The following GAREM1 variants were observed in gnomAD, a reference collection of about 807,000 sequenced individuals.
The protein encoded by GAREM1 is GRB2 associated regulator of MAPK1 subtype 1, also known as GRB2-associated and regulator of MAPK protein 1.
In GAREM1, 26 loss-of-function variants were observed where a neutral mutation model predicts 71.3. The ratio of observed to expected loss-of-function variants is 0.36; its 90% CI spans 0.27 to 0.51. The LOEUF (loss-of-function observed/expected upper bound fraction) is 0.51. GAREM1 is among the 20% of genes least tolerant of loss of function. The pLI is 0.95. For missense variants in GAREM1, 1,026 were observed against 1,103.1 expected (o/e 0.93, Z 0.99); for synonymous variants, 440 against 433.2 (o/e 1.02, Z -0.20).
intron 2 of GAREM1, among the ~76,000 whole-genome samples, chr18:32,376,433 G>C (rs1014091542): frequency 1.3e-5 from 2 of 152,192 alleles, no homozygotes; most frequent in African/African-American, 4.8e-5. Flanking sequence ...CTTTTGTTCA[G>C]TTGATTTACT....
In GAREM1 at chr18:32,288,184, T is replaced by C. The variant is rs895117849; in HGVS notation, c.413A>G (p.Asn138Ser). 1.1e-5 allele frequency: 18 copies of C among 1,607,246 alleles called. No homozygotes were observed. The highest frequency in any genetic ancestry group is 2.2e-5 in the East Asian group (1 of 44,800). Residue 138 changes from asparagine (N) to serine (S), a missense_variant, in exon 4 of 6, where the codon AAT becomes AGT. Asn to Ser is a conservative substitution (Grantham distance 46, BLOSUM62 1). This residue lies in a region of GAREM1 where 218 missense variants were observed against 296.8 expected (regional missense o/e 0.73). Coordinates refer to ENST00000269209, the MANE Select transcript of GAREM1 (RefSeq NM_001242409.2). ...GATGTTGTAAACTTCAGTGTCTTCATTGCATTCACCTGAAGCAACCTACAA... is the reference window on the plus strand; with the variant it reads ...GATGTTGTAAACTTCAGTGTCTTCACTGCATTCACCTGAAGCAACCTACAA... Reference protein sequence around the residue: ...FNVKVASGECNEDTEVYNITL... With the variant: ...FNVKVASGECSEDTEVYNITL...
At chr18:32,326,975 A>G (rs1279010457) in intron 2 of GAREM1, among the ~76,000 whole-genome samples, 2 of 152,244 alleles carry the variant, frequency 1.3e-5, no homozygotes, top group African/African-American at 4.8e-5. Flanking sequence ...AAGTACTTTT[A>G]GAGAGGAGTG....
chr18:32,307,535 C>T (rs543614080), intron 3 of GAREM1, among the ~76,000 whole-genome samples: 2 of 152,012 alleles, frequency 1.3e-5, no homozygotes. Context: ...TTTTTGTTTT[C>T]TTTTTAAGAT....
chr18:32,280,350 T>G (rs2041596788), intron 4 of GAREM1, among the ~76,000 whole-genome samples: 1 of 152,186 alleles, frequency 6.6e-6, no homozygotes, highest in African/African-American at 2.4e-5. Context: ...GCTGGGCATA[T>G]CCAAAGTAAT....
At chr18:32,322,918 C>T (rs1006422347) in intron 2 of GAREM1, among the ~76,000 whole-genome samples, 6 of 152,212 alleles carry the variant, frequency 3.9e-5, no homozygotes, top group Non-Finnish European at 5.9e-5. Flanking sequence ...TCTCTGATAG[C>T]TGAGTTTGAG....
intron 2 of GAREM1, among the ~76,000 whole-genome samples, chr18:32,312,721 G>T (rs2047336544): frequency 6.6e-6 from 1 of 152,190 alleles, no homozygotes; most frequent in South Asian, 2.1e-4. Context: ...ATGCTGATGG[G>T]AATGACCAGC....
intron 1 of GAREM1, among the ~76,000 whole-genome samples, chr18:32,426,106 C>G (rs2048572103): frequency 6.6e-6 from 1 of 152,188 alleles, no homozygotes; most frequent in Non-Finnish European, 1.5e-5. Context: ...GCAACCTCTG[C>G]CTCCCAGGTT....
chr18:32,270,341 G>A lies in GAREM1; in HGVS notation c.1609C>T (p.Pro537Ser). 1 of 1,613,984 alleles carries A rather than the reference G, an allele frequency of 6.2e-7. No individual in the cohort carries two copies. The highest frequency in any genetic ancestry group is 8.5e-7 in the Non-Finnish European group (1 of 1,179,972). Residue 537 changes from proline (P) to serine (S), a missense_variant, in exon 5 of 6, where the codon CCC (proline) becomes TCC (serine). Pro to Ser is a moderately conservative substitution (Grantham distance 74). This residue lies in a region of GAREM1 where 636 missense variants were observed against 631.2 expected (regional missense o/e 1.01). Transcript: ENST00000269209. The stretch of plus-strand genomic sequence containing the variant: ...GTGGACAAAGGCTTTGCGCTTCGGG[G>A]TGGAACAGGTGGGGCGTTCAGGAGC... ...CRLLNAPPVP[P>S]RSAKPLSTSP...
At chr18:32,401,269 T>C (rs1351981149) in intron 1 of GAREM1, among the ~76,000 whole-genome samples, 1 of 152,066 alleles carries the variant, frequency 6.6e-6, no homozygotes, top group East Asian at 1.9e-4. Context: ...GGCACATGTA[T>C]ACATATGTAA....
intron 1 of GAREM1, chr18:32,412,072 G>A (rs2048425031): frequency 1.4e-6 from 1 of 707,066 alleles, no homozygotes. Flanking sequence ...CCATACACAT[G>A]AGTATTTGTC....
chr18:32,414,433 T>C (rs765849210), intron 1 of GAREM1, among the ~76,000 whole-genome samples: 4 of 152,022 alleles, frequency 2.6e-5, no homozygotes, highest in Non-Finnish European at 5.9e-5. Flanking sequence ...GAAGTTTACC[T>C]GAAGTATGTG....
At chr18:32,338,351 C>T (rs928878225) in intron 2 of GAREM1, among the ~76,000 whole-genome samples, 7 of 152,050 alleles carry the variant, frequency 4.6e-5, no homozygotes, top group African/African-American at 1.7e-4. Context: ...CAGGGAGGGA[C>T]AGGAAGGGCT....
intron 3 of GAREM1, among the ~76,000 whole-genome samples, chr18:32,291,149 A>G (rs2047079740): frequency 6.6e-6 from 1 of 152,162 alleles, no homozygotes; most frequent in Non-Finnish European, 1.5e-5. Context: ...GTACTATGCA[A>G]AAGACAATGA....
chr18:32,416,496 A>G (rs1469588544), intron 1 of GAREM1, among the ~76,000 whole-genome samples: 1 of 152,166 alleles, frequency 6.6e-6, no homozygotes, highest in Admixed American at 6.6e-5. Flanking sequence ...CAGTAACCAA[A>G]ACAGCATGGT....
intron 1 of GAREM1, among the ~76,000 whole-genome samples, chr18:32,452,201 TGTTA>T (rs1340909800): frequency 6.6e-6 from 1 of 152,166 alleles, no homozygotes; most frequent in Non-Finnish European, 1.5e-5. Context: ...GACTGTAGTT[TGTTA>T]CCCATTTTTA....
rs187638053 is a variant in GAREM1 at position 32,298,894 on chromosome 18, A to C, written c.394-10691T>G. On this transcript the variant is annotated intron_variant, in intron 3 of 5. Coordinates refer to ENST00000269209, the MANE Select transcript of GAREM1 (RefSeq NM_001242409.2). Reference sequence around the variant, plus strand: ...TTGGGAAAATGACAGCAAATGGATGAAAATTGCATCAAGAGTTAAGATAAA... The same window carrying C: ...TTGGGAAAATGACAGCAAATGGATGCAAATTGCATCAAGAGTTAAGATAAA... 4.9e-3 allele frequency among the ~76,000 whole-genome samples: 747 copies of C among 152,310 alleles called. 3 individuals carry two copies. Among genetic ancestry groups the C allele is most frequent in the Non-Finnish European group, 6.8e-3 (464 of 68,028 alleles).
chr18:32,341,876 C>T (rs752672477), intron 2 of GAREM1, among the ~76,000 whole-genome samples: 72 of 151,904 alleles, frequency 4.7e-4, no homozygotes, highest in Admixed American at 7.9e-4. Flanking sequence ...ATAAAATCAT[C>T]GGCGATGGGT....
At chr18:32,284,878 T>C (rs1418218324) in intron 4 of GAREM1, among the ~76,000 whole-genome samples, 1 of 151,404 alleles carries the variant, frequency 6.6e-6, no homozygotes, top group African/African-American at 2.4e-5. Context: ...GCCTCCCGAG[T>C]AGCTGGGACT....
intron 5 of GAREM1, 109 bp from the exon 6 acceptor site, chr18:32,268,877 GAATT>G: frequency 1.2e-6 from 1 of 845,710 alleles, no homozygotes. Flanking sequence ...AGTTAGTTTT[GAATT>G]CAATAAAATT....
Sources: gnomAD v4.1 joint callset for allele counts (sites outside exome capture counted in the v4.1 genomes callset) on GRCh38, gnomAD v4.1.1 for gene constraint, gnomAD v4.1.1 regional missense constraint, MANE v1.5 for transcripts, NCBI Gene and HGNC (gene_info 2026-07-23, HGNC 2026-07-21) for gene names.